HYAL4: variants seen among roughly 807,000 people sequenced by gnomAD.
The protein encoded by HYAL4 is hyaluronidase 4, also known as hyaluronidase-4.
Under a neutral mutation model 35.2 loss-of-function variants are expected in HYAL4, and 37 were observed. The ratio of observed to expected loss-of-function variants is 1.05; its 90% CI spans 0.81 to 1.38. The LOEUF (loss-of-function observed/expected upper bound fraction) is 1.38, where lower values mean the gene tolerates loss of function less well. Ranked by LOEUF, HYAL4 falls within the 40% of genes most tolerant of loss-of-function variation. The pLI is 0.00. For missense variants in HYAL4, 572 were observed against 572.4 expected (o/e 1.00, Z 0.01); for synonymous variants, 198 against 203.2 (o/e 0.97, Z 0.22).
chr7:123,771,156 GTTTCC>G, the HYAL4 span, among the ~76,000 whole-genome samples: 4 of 152,260 alleles, frequency 2.6e-5, no homozygotes, highest in Non-Finnish European at 5.9e-5. Flanking sequence ...CTAAAAATAT[GTTTCC>G]TTTCCTGATA....
chr7:123,787,417 C>A, the HYAL4 span, among the ~76,000 whole-genome samples: 1 of 152,082 alleles, frequency 6.6e-6, no homozygotes, highest in African/African-American at 2.4e-5. Flanking sequence ...CCCATGTGGC[C>A]TGTTTGAAGG....
upstream of HYAL4, among the ~76,000 whole-genome samples, chr7:123,840,994 G>C (rs781404548): frequency 2.0e-5 from 3 of 151,820 alleles, no homozygotes; most frequent in African/African-American, 7.2e-5. Flanking sequence ...TCTCTTTCCT[G>C]GTTGTCCTGG....
chr7:123,826,204 G>T (rs1380622263), upstream of HYAL4, among the ~76,000 whole-genome samples: 1 of 152,036 alleles, frequency 6.6e-6, no homozygotes, highest in Non-Finnish European at 1.5e-5. Flanking sequence ...TGGGAAATTG[G>T]TGACCAGCTT....
At chr7:123,870,985 T>C (rs1354253516) in intron 3 of HYAL4, among the ~76,000 whole-genome samples, 1 of 152,148 alleles carries the variant, frequency 6.6e-6, no homozygotes, top group Non-Finnish European at 1.5e-5. Context: ...TACTGGGACA[T>C]TCTGCACATT....
chr7:123,846,784 C>T (rs1806183720), intron 1 of HYAL4, among the ~76,000 whole-genome samples: 1 of 152,334 alleles, frequency 6.6e-6, no homozygotes, highest in South Asian at 2.1e-4. Context: ...GCAGAAATAG[C>T]TTCCCAGGGG....
chr7:123,782,125 C>T, the HYAL4 span, among the ~76,000 whole-genome samples: 1 of 152,248 alleles, frequency 6.6e-6, no homozygotes, highest in East Asian at 1.9e-4. Flanking sequence ...TGCTGCCTTT[C>T]CATAGTTGAA....
rs1246255191 is a variant in HYAL4, at chr7:123,874,728, A to G, written c.955-33A>G. 4 of 1,333,742 alleles carry G rather than the reference A, an allele frequency of 3.0e-6. No individual in the cohort carries two copies. The South Asian group carries it at 3.5e-5, about 12-fold the overall frequency. 82.6% of individuals were successfully genotyped at this position (1,333,742 alleles called of 1,614,324 possible). On this transcript the variant is annotated intron_variant, in intron 3 of 4. Coordinates refer to ENST00000223026, the MANE Select transcript of HYAL4 (RefSeq NM_012269.3). ...CCCCTGGTGGATTGTTTTACATTCA[A>G]ATTAATAATGAACTCTACTGTCTTC...
chr7:123,801,795 A>G, the HYAL4 span, among the ~76,000 whole-genome samples: 1 of 152,126 alleles, frequency 6.6e-6, no homozygotes, highest in African/African-American at 2.4e-5. Context: ...CATATAATTT[A>G]TTGTCTAAAT....
chr7:123,800,232 C>T, the HYAL4 span, among the ~76,000 whole-genome samples: 39 of 149,892 alleles, frequency 2.6e-4, no homozygotes, highest in South Asian at 4.0e-3. Context: ...TGCAGTGGCG[C>T]GATCTCGGCT....
chr7:123,833,729 T>C (rs924406684), intron 1 of HYAL4, among the ~76,000 whole-genome samples: 13 of 152,196 alleles, frequency 8.5e-5, no homozygotes, highest in African/African-American at 2.7e-4. Context: ...TAGATTTAAG[T>C]TCTTGATTCT....
chr7:123,871,564 C>A (rs1414862980), intron 3 of HYAL4, among the ~76,000 whole-genome samples: 1 of 152,146 alleles, frequency 6.6e-6, no homozygotes, highest in Non-Finnish European at 1.5e-5. Flanking sequence ...GCTTCCATTT[C>A]TGATTTTCCC....
intron 2 of HYAL4, among the ~76,000 whole-genome samples, chr7:123,859,503 T>A (rs1265272174): frequency 6.6e-6 from 1 of 152,186 alleles, no homozygotes; most frequent in Non-Finnish European, 1.5e-5. Context: ...AATTAGCTTT[T>A]AATAATCAAA....
At chr7:123,825,870 C>G (rs533201362), upstream of HYAL4, among the ~76,000 whole-genome samples, 6 of 152,018 alleles carry the variant, frequency 3.9e-5, 1 homozygote, top group South Asian at 1.2e-3. Context: ...TATTTCTTTT[C>G]ATGAGATTGC....
the HYAL4 span, among the ~76,000 whole-genome samples, chr7:123,773,496 G>A: frequency 0.066 from 10,061 of 152,100 alleles, 420 homozygotes; most frequent in East Asian, 0.11. Flanking sequence ...AGCTCAATTT[G>A]TACTAGTTCA....
chr7:123,778,347 C>T, the HYAL4 span, among the ~76,000 whole-genome samples: 3 of 152,076 alleles, frequency 2.0e-5, no homozygotes, highest in Non-Finnish European at 4.4e-5. Flanking sequence ...AACACTAATT[C>T]AATGCAGGTA....
Position 123,869,197 on chromosome 7 carries a change from C to A in HYAL4, c.924C>A (p.Tyr308Ter). Residue 308 changes from tyrosine to a stop codon, truncating the protein, a stop_gained, in exon 3 of 5, where the codon TAC (tyrosine) becomes TAA (stop). Coordinates refer to ENST00000223026, the MANE Select transcript of HYAL4 (RefSeq NM_012269.3). LOFTEE classifies it high-confidence loss of function. ...TATTTGTCTACACAAGGCTAGGGTA[C>A]AGAGATGAACCTTTATTTTTCCTTT... The part of the protein sequence containing the change: ...LPVFVYTRLG[Y>*]RDEPLFFLSK... The A allele has an allele frequency of 6.2e-7, 1 of 1,607,628 alleles. No individual in the cohort carries two copies.
chr7:123,842,129 C>T (rs959748676), upstream of HYAL4, among the ~76,000 whole-genome samples: 2 of 151,958 alleles, frequency 1.3e-5, no homozygotes, highest in Non-Finnish European at 2.9e-5. Flanking sequence ...CTGTTGTGGG[C>T]ATTTAGTGCT....
Position 123,868,517 on chromosome 7 carries a change from G to C in HYAL4, c.244G>C (p.Ala82Pro). The C allele has an allele frequency of 6.2e-7, 1 of 1,609,464 alleles. No homozygotes were observed. The highest frequency in any genetic ancestry group is 8.5e-7 in the Non-Finnish European group (1 of 1,178,914). Residue 82 changes from alanine (A) to proline (P), a missense_variant, in exon 3 of 5, where the codon GCC becomes CCC. Transcript: ENST00000223026. ...FPVIGSPLAK[A>P]RGQNVTIFYV... ...TGTGATTGGAAGCCCACTGGCCAAG[G>C]CCAGGGGGCAAAATGTCACTATATT...
the HYAL4 span, among the ~76,000 whole-genome samples, chr7:123,806,353 CTTT>C: frequency 6.6e-6 from 1 of 152,066 alleles, no homozygotes; most frequent in Admixed American, 6.6e-5. Flanking sequence ...CGTGTGGAGG[CTTT>C]AGTGTATTTA....
Sources: allele counts gnomAD v4.1 joint callset (sites outside exome capture counted in the v4.1 genomes callset), GRCh38; gene constraint gnomAD v4.1.1; transcripts MANE v1.5; gene names NCBI Gene and HGNC (gene_info 2026-07-23, HGNC 2026-07-21).